SLC2A13: variants seen among roughly 807,000 people sequenced by gnomAD.
The protein encoded by SLC2A13 is proton myo-inositol cotransporter.
SLC2A13 carries 32 observed loss-of-function variants against 64.4 expected under a neutral mutation model. That is an observed-to-expected ratio of 0.50 (90% confidence interval 0.37 to 0.67). The LOEUF (loss-of-function observed/expected upper bound fraction) is 0.67, where lower values mean the gene tolerates loss of function less well. SLC2A13 is among the 30% of genes least tolerant of loss of function. The probability of loss-of-function intolerance (pLI) is 0.00; values close to 1 mark genes in which losing one functional copy is unlikely to be tolerated. For synonymous variants in SLC2A13, 338 were observed against 327.1 expected (o/e 1.03, Z -0.36); for missense variants, 743 against 829.2 (o/e 0.90, Z 1.28).
rs1040128618 is a variant in SLC2A13, at chr12:39,755,828, G to A, written c.*4198C>T. ...TATAAAGATTTACATAAATTATATTGTTTTAGCTCACTAGCAAATTATACG... is the reference window on the plus strand; with the variant it reads ...TATAAAGATTTACATAAATTATATTATTTTAGCTCACTAGCAAATTATACG... On this transcript the variant is annotated 3_prime_UTR_variant, in exon 10 of 10. Transcript: ENST00000280871. 6.6e-6 allele frequency: 1 copy of A among 151,924 alleles called. No homozygotes were observed. The highest frequency in any genetic ancestry group is 2.4e-5 in the African/African-American group (1 of 41,398). The allele number at this position is 151,924 out of a possible 1,614,324, so 9.4% of individuals were successfully genotyped here.
intron 7 of SLC2A13, among the ~76,000 whole-genome samples, chr12:39,802,686 T>C (rs1300735361): frequency 6.6e-6 from 1 of 152,188 alleles, no homozygotes; most frequent in African/African-American, 2.4e-5. Context: ...TATATGTCTA[T>C]GTATACACAC....
At chr12:39,913,467 T>A (rs982860130) in intron 4 of SLC2A13, among the ~76,000 whole-genome samples, 3 of 151,680 alleles carry the variant, frequency 2.0e-5, no homozygotes, top group African/African-American at 7.3e-5. Context: ...TAAGCATATA[T>A]TTTTCAAATT....
In SLC2A13 at chr12:39,947,818, G is replaced by C. The variant is rs991219788; in HGVS notation, c.1034+3439C>G. On this transcript the variant is annotated intron_variant, in intron 4 of 9. Transcript: ENST00000280871. ...TGGGACTACAGGCGCCCGCCACTAT[G>C]CCCAGCTAATTTTGTGTATTTTTAG... 4.6e-5 allele frequency among the ~76,000 whole-genome samples: 7 copies of C among 151,832 alleles called. No homozygotes were observed. In the South Asian group the frequency reaches 1.5e-3, roughly 32 times the overall value.
chr12:39,872,331 G>T (rs1455641475), intron 4 of SLC2A13, among the ~76,000 whole-genome samples: 1 of 152,182 alleles, frequency 6.6e-6, no homozygotes, highest in Admixed American at 6.5e-5. Flanking sequence ...TCCATGGAAT[G>T]AATCAGAAGT....
At chr12:40,067,424 T>C (rs529955472) in intron 1 of SLC2A13, among the ~76,000 whole-genome samples, 2 of 152,152 alleles carry the variant, frequency 1.3e-5, no homozygotes, top group Admixed American at 6.5e-5. Flanking sequence ...CTGTTGTTGA[T>C]AATATATTTT....
At chr12:40,057,088 TAAGG>T (rs968764116) in intron 1 of SLC2A13, among the ~76,000 whole-genome samples, 1 of 151,988 alleles carries the variant, frequency 6.6e-6, no homozygotes, top group African/African-American at 2.4e-5. Context: ...ATGAGTAGCA[TAAGG>T]AAGGACTGTA....
intron 4 of SLC2A13, among the ~76,000 whole-genome samples, chr12:39,940,999 A>G (rs961888404): frequency 1.3e-5 from 2 of 152,092 alleles, no homozygotes; most frequent in African/African-American, 2.4e-5. Context: ...CACTTAGAAT[A>G]ATAGTCTCCA....
intron 9 of SLC2A13, among the ~76,000 whole-genome samples, chr12:39,763,301 T>C (rs562460014): frequency 6.6e-6 from 1 of 152,182 alleles, no homozygotes; most frequent in African/African-American, 2.4e-5. Context: ...TTTATGAAGA[T>C]AATAAAAGCA....
chr12:39,888,860 C>T (rs1944531725), intron 4 of SLC2A13, among the ~76,000 whole-genome samples: 1 of 151,932 alleles, frequency 6.6e-6, no homozygotes, highest in Non-Finnish European at 1.5e-5. Flanking sequence ...ATGATTTGAC[C>T]CACATAGCTA....
At chr12:40,068,876 G>A (rs2136265685) in intron 1 of SLC2A13, among the ~76,000 whole-genome samples, 2 of 151,154 alleles carry the variant, frequency 1.3e-5, no homozygotes, top group South Asian at 4.2e-4. Context: ...AAAACAGCAG[G>A]AATATGGCCC....
chr12:39,908,563 C>T (rs998895127), intron 4 of SLC2A13, among the ~76,000 whole-genome samples: 3 of 150,924 alleles, frequency 2.0e-5, no homozygotes, highest in Non-Finnish European at 3.0e-5. Flanking sequence ...AAAGGCAAGG[C>T]GGGGAGGGGA....
intron 4 of SLC2A13, among the ~76,000 whole-genome samples, chr12:39,945,917 G>GT (rs1946125090): frequency 6.6e-6 from 1 of 151,498 alleles, no homozygotes; most frequent in African/African-American, 2.4e-5. Context: ...TTTGTGGGGG[G>GT]GTGTTGAAGA....
At chr12:39,858,693 G>A (rs1230665023) in intron 6 of SLC2A13, among the ~76,000 whole-genome samples, 2 of 152,000 alleles carry the variant, frequency 1.3e-5, no homozygotes, top group Non-Finnish European at 2.9e-5. Flanking sequence ...TGCAACCTCC[G>A]CCTCCCAGGT....
intron 7 of SLC2A13, among the ~76,000 whole-genome samples, chr12:39,784,932 G>C (rs1327156940): frequency 1.3e-5 from 2 of 152,218 alleles, no homozygotes; most frequent in Admixed American, 1.3e-4. Context: ...AAATTTCTAA[G>C]CAGCAAAGCA....
rs1344319015 is a variant in SLC2A13 at position 39,758,530 on chromosome 12, GCAAGTAATTTTGTGAT to G, written c.*1480_*1495del. On this transcript the variant is annotated 3_prime_UTR_variant, in exon 10 of 10. Transcript: ENST00000280871. ...TTCATTCATATTTTTCCTGGAACTA[GCAAGTAATTTTGTGAT>G]CAAGTAATTTTGTACATACTATATA... The G allele has an allele frequency of 1.3e-5, 2 of 151,878 alleles. No individual in the cohort carries two copies. The highest frequency in any genetic ancestry group is 4.8e-5 in the African/African-American group (2 of 41,378). The allele number at this position is 151,878 out of a possible 1,614,324, so 9.4% of individuals were successfully genotyped here.
In SLC2A13 at chr12:39,800,689, G is replaced by A. The variant is rs1398335970; in HGVS notation, c.1445+29414C>T. ...CAACCATTGTGGAAGTCAGTGTGGC[G>A]ATTCCTCAGGGATCTAGAACTAGAA... On this transcript the variant is annotated intron_variant, in intron 7 of 9. Coordinates refer to ENST00000280871, the MANE Select transcript of SLC2A13 (RefSeq NM_052885.4). 4.6e-4 allele frequency among the ~76,000 whole-genome samples: 7 copies of A among 15,136 alleles called. No individual in the cohort carries two copies. The East Asian group carries it at 7.9e-3, about 17-fold the overall frequency. The allele number at this position is 15,136 out of a possible 152,430, so 9.9% of individuals were successfully genotyped here. A position where few individuals can be genotyped will look rare whatever the true frequency, so the allele number is the denominator to read the frequency against.
At chr12:39,928,940 C>T (rs1404859879) in intron 4 of SLC2A13, among the ~76,000 whole-genome samples, 2 of 152,110 alleles carry the variant, frequency 1.3e-5, no homozygotes, top group Non-Finnish European at 1.5e-5. Flanking sequence ...TAACAATCAA[C>T]AAGATGCCTC....
chr12:39,841,246 T>C (rs989408553), intron 6 of SLC2A13, among the ~76,000 whole-genome samples: 1 of 152,148 alleles, frequency 6.6e-6, no homozygotes, highest in Non-Finnish European at 1.5e-5. Flanking sequence ...TTTAGCCTAG[T>C]AGCCAGAATG....
At chr12:39,969,933 G>A (rs1230363529) in intron 3 of SLC2A13, among the ~76,000 whole-genome samples, 1 of 152,186 alleles carries the variant, frequency 6.6e-6, no homozygotes, top group Non-Finnish European at 1.5e-5. Context: ...ATGGTTTTAG[G>A]TCTAACATGT....
Sources: allele counts gnomAD v4.1 joint callset (sites outside exome capture counted in the v4.1 genomes callset), GRCh38; gene constraint gnomAD v4.1.1; transcripts MANE v1.5; gene names NCBI Gene and HGNC (gene_info 2026-07-23, HGNC 2026-07-21).